Variants in BFAR observed in about 807,000 individuals in gnomAD.
The protein encoded by BFAR is bifunctional apoptosis regulator.
A neutral mutation model predicts 54.4 loss-of-function variants in BFAR; 52 were observed. The observed-to-expected ratio is 0.96, with a 90% CI of 0.77 to 1.21. The LOEUF (loss-of-function observed/expected upper bound fraction) is 1.21. Ranked by LOEUF, BFAR falls within the 50% of genes most tolerant of loss-of-function variation. BFAR has a pLI of 0.00. For synonymous variants in BFAR, 215 were observed against 204.3 expected (o/e 1.05, Z -0.45); for missense variants, 571 against 534.0 (o/e 1.07, Z -0.68).
At chr16:14,641,035 T>A (rs1257427135) in intron 1 of BFAR, among the ~76,000 whole-genome samples, 4 of 152,280 alleles carry the variant, frequency 2.6e-5, no homozygotes, top group Non-Finnish European at 4.4e-5. Flanking sequence ...AGTCTATGGT[T>A]TTAAACTTGT....
At chr16:14,639,097 G>A (rs187316817) in intron 1 of BFAR, among the ~76,000 whole-genome samples, 156 of 152,214 alleles carry the variant, frequency 1.0e-3, no homozygotes, top group African/African-American at 3.4e-3. Flanking sequence ...CTGGAGAATA[G>A]CCCTCTGGAT....
At chr16:14,654,444 A>C (rs1960062896) in intron 4 of BFAR, among the ~76,000 whole-genome samples, 1 of 150,298 alleles carries the variant, frequency 6.7e-6, no homozygotes, top group Admixed American at 6.6e-5. Context: ...AACAAAACAG[A>C]CCTAGGAGTG....
chr16:14,649,070 CTTT>C (rs544187036), intron 3 of BFAR, among the ~76,000 whole-genome samples: 3 of 104,470 alleles, frequency 2.9e-5, no homozygotes, highest in Non-Finnish European at 5.7e-5. Flanking sequence ...ATCTCTTGCT[CTTT>C]TTTTTTTTTT....
At chr16:14,648,253 A>T in intron 2 of BFAR, 135 bp from the exon 3 acceptor site, 1 of 679,530 alleles carries the variant, frequency 1.5e-6, no homozygotes, top group South Asian at 1.9e-5. Context: ...TACCCACAGG[A>T]CTATAATACA....
intron 1 of BFAR, among the ~76,000 whole-genome samples, chr16:14,641,935 G>A (rs1259448133): frequency 1.3e-5 from 2 of 152,176 alleles, no homozygotes; most frequent in Non-Finnish European, 2.9e-5. Context: ...TCTGTACTAG[G>A]CACTTGACTC....
In BFAR at chr16:14,664,836, A is replaced by G. The variant is rs367892454; in HGVS notation, c.958-33A>G. 7.0e-6 allele frequency: 11 copies of G among 1,578,990 alleles called. No homozygotes were observed. In the South Asian group the frequency reaches 8.9e-5, roughly 13 times the overall value. ...ATATTTTGTGTAAAAGTCAGTCCTC[A>G]TGACTTTTTGCGTCTGTGTGTTATT... On this transcript the variant is annotated intron_variant, in intron 6 of 7. Transcript: ENST00000261658.
At chr16:14,638,315 C>T (rs1959516704) in intron 1 of BFAR, among the ~76,000 whole-genome samples, 1 of 152,144 alleles carries the variant, frequency 6.6e-6, no homozygotes, top group Admixed American at 6.5e-5. Flanking sequence ...CCCGAAAGTT[C>T]AAGCCCACAG....
rs1455639826 is a variant in BFAR, at chr16:14,669,177, C to G, written c.*1350C>G. ...TGAAAATTTTACTCAAAAGTTGCATCTGGAAGTTCGAAGAAATTACTTGAA... is the reference window on the plus strand; with the variant it reads ...TGAAAATTTTACTCAAAAGTTGCATGTGGAAGTTCGAAGAAATTACTTGAA... On this transcript the variant is annotated 3_prime_UTR_variant, in exon 8 of 8. Coordinates refer to ENST00000261658, the MANE Select transcript of BFAR (RefSeq NM_016561.3). 5.9e-6 allele frequency: 2 copies of G among 338,426 alleles called. No homozygotes were observed. The highest frequency in any genetic ancestry group is 1.2e-5 in the Non-Finnish European group (2 of 163,716). 21.0% of individuals were successfully genotyped at this position (338,426 alleles called of 1,614,324 possible).
rs145155331 is a variant in BFAR, at chr16:14,642,137, C to T, written c.-73-2137C>T. ...CAGAGCATGAAGCGTGAGCCCTTCC[C>T]TGCATGGCCAGTGTGGGCGGCGGAG... On this transcript the variant is annotated intron_variant, in intron 1 of 7. Coordinates refer to ENST00000261658, the MANE Select transcript of BFAR (RefSeq NM_016561.3). Among the ~76,000 whole-genome samples, 352 of 152,334 alleles carry T rather than the reference C, an allele frequency of 2.3e-3. 1 individual carries two copies. Among genetic ancestry groups the T allele is most frequent in the African/African-American group, 6.5e-3 (269 of 41,578 alleles).
At chr16:14,650,899 C>A (rs1358902669) in intron 4 of BFAR, among the ~76,000 whole-genome samples, 1 of 152,182 alleles carries the variant, frequency 6.6e-6, no homozygotes, top group Non-Finnish European at 1.5e-5. Flanking sequence ...CTATGTTTAA[C>A]TGTCAAACTA....
chr16:14,653,378 A>G (rs1302957946), intron 4 of BFAR, among the ~76,000 whole-genome samples: 1 of 151,600 alleles, frequency 6.6e-6, no homozygotes, highest in East Asian at 1.9e-4. Context: ...CCCAGGCTGG[A>G]GTGCAGTGGC....
chr16:14,649,592 C>A (rs912721743), intron 3 of BFAR, among the ~76,000 whole-genome samples: 4 of 152,146 alleles, frequency 2.6e-5, no homozygotes, highest in Admixed American at 2.6e-4. Flanking sequence ...CACTGCCACG[C>A]AATCAGCAGA....
At chr16:14,647,724 C>CA (rs1959843165) in intron 2 of BFAR, among the ~76,000 whole-genome samples, 1 of 150,788 alleles carries the variant, frequency 6.6e-6, no homozygotes, top group Admixed American at 6.6e-5. Flanking sequence ...AGTATTTTCT[C>CA]ACATCATTGA....
chr16:14,639,459 C>T (rs1959555139), intron 1 of BFAR, among the ~76,000 whole-genome samples: 1 of 152,082 alleles, frequency 6.6e-6, no homozygotes, highest in South Asian at 2.1e-4. Context: ...AGTCGTGCAC[C>T]ACCATGCCCG....
At chr16:14,658,695 TGCACTCCA>T (rs964914635) in intron 5 of BFAR, among the ~76,000 whole-genome samples, 15 of 150,156 alleles carry the variant, frequency 1.0e-4, no homozygotes, top group African/African-American at 3.7e-4. Flanking sequence ...ATTGTGCCAC[TGCACTCCA>T]GCCTGGGTGG....
chr16:14,634,456 G>A (rs868551845), intron 1 of BFAR, among the ~76,000 whole-genome samples: 9 of 152,192 alleles, frequency 5.9e-5, no homozygotes, highest in South Asian at 2.1e-4. Flanking sequence ...AATAAATGCT[G>A]CTATTGATAA....
At position 14,667,988 on chromosome 16, in the gene BFAR, C is replaced by A; in HGVS notation, c.*161C>A. ...TCCAACCATGTCCTCTCCCCCTCAGCCTGTGGGTGGCACGAGCAAGGACTG... is the reference window on the plus strand; with the variant it reads ...TCCAACCATGTCCTCTCCCCCTCAGACTGTGGGTGGCACGAGCAAGGACTG... On this transcript the variant is annotated 3_prime_UTR_variant, in exon 8 of 8. Coordinates refer to ENST00000261658, the MANE Select transcript of BFAR (RefSeq NM_016561.3). 2.7e-6 allele frequency: 2 copies of A among 729,212 alleles called. No homozygotes were observed. Among genetic ancestry groups the A allele is most frequent in the Non-Finnish European group, 4.4e-6 (2 of 452,872 alleles). The allele number at this position is 729,212 out of a possible 1,614,324, so 45.2% of individuals were successfully genotyped here. A position where few individuals can be genotyped will look rare whatever the true frequency, so the allele number is the denominator to read the frequency against.
chr16:14,661,897 G>T lies in BFAR; in HGVS notation c.789G>T (p.Val263=), dbSNP rs1025960351. Residue 263 remains valine, a synonymous_variant, in exon 6 of 8, where the codon GTG becomes GTT. Transcript: ENST00000261658. ...PPQNLWEYKA[V]NPGRSLFLLY... ...TGTACTCTTCTCCTCTGCAGGCTGT[G>T]AACCCAGGCAGGTCCCTGTTCCTGC... 14 of 1,614,110 alleles carry T rather than the reference G, an allele frequency of 8.7e-6. No homozygotes were observed. The highest frequency in any genetic ancestry group is 1.1e-5 in the Non-Finnish European group (13 of 1,179,994).
intron 1 of BFAR, among the ~76,000 whole-genome samples, chr16:14,639,850 C>T (rs968082346): frequency 9.2e-5 from 14 of 152,114 alleles, no homozygotes; most frequent in East Asian, 1.9e-4. Context: ...AACGACCTGA[C>T]GTGAAATCAA....
Sources: allele counts gnomAD v4.1 joint callset (sites outside exome capture counted in the v4.1 genomes callset), GRCh38; gene constraint gnomAD v4.1.1; transcripts MANE v1.5; gene names NCBI Gene and HGNC (gene_info 2026-07-23, HGNC 2026-07-21).